SPTBN1: variants seen among roughly 807,000 people sequenced by gnomAD.
SPTBN1 encodes the protein spectrin beta, non-erythrocytic 1, also known as spectrin beta chain, non-erythrocytic 1.
In SPTBN1, 32 loss-of-function variants were observed where a neutral mutation model predicts 266.4. The ratio of observed to expected loss-of-function variants is 0.12; its 90% CI spans 0.09 to 0.16. The LOEUF (loss-of-function observed/expected upper bound fraction) is 0.16. Ranked by LOEUF, SPTBN1 falls within the 10% of genes least tolerant of loss-of-function variation. The pLI is 1.00. For synonymous variants in SPTBN1, 1,336 were observed against 1,162.2 expected, an observed-to-expected ratio of 1.15 and a Z score of -3.04; for missense variants, 2,296 against 3,067.1, an observed-to-expected ratio of 0.75 and a Z score of 5.94.
At chr2:54,565,627 T>C (rs1558846619) in intron 2 of SPTBN1, among the ~76,000 whole-genome samples, 1 of 152,246 alleles carries the variant, frequency 6.6e-6, no homozygotes, top group African/African-American at 2.4e-5. Context: ...AAATAATCTA[T>C]TGAATTTAAC....
At chr2:54,525,952 G>A (rs556186134) in intron 1 of SPTBN1, among the ~76,000 whole-genome samples, 18 of 152,290 alleles carry the variant, frequency 1.2e-4, no homozygotes, top group Middle Eastern at 3.4e-3. Flanking sequence ...GGCTGGCCTC[G>A]AACTCCTGAC....
chr2:54,551,007 AT>A (rs1672537641), intron 2 of SPTBN1, among the ~76,000 whole-genome samples: 1 of 151,692 alleles, frequency 6.6e-6, no homozygotes, highest in Non-Finnish European at 1.5e-5. Context: ...CCCTTTTCAC[AT>A]TTTCTTTTCA....
At chr2:54,660,213 T>C in intron 32 of SPTBN1, 1 of 1,427,122 alleles carries the variant, frequency 7.0e-7, no homozygotes. Flanking sequence ...TCATATTTGT[T>C]TGCATTTAAT....
intron 4 of SPTBN1, among the ~76,000 whole-genome samples, chr2:54,614,677 C>T (rs973559131): frequency 6.6e-6 from 1 of 151,986 alleles, no homozygotes; most frequent in Non-Finnish European, 1.5e-5. Flanking sequence ...GTGGCAGACA[C>T]CTATGATCCC....
intron 1 of SPTBN1, among the ~76,000 whole-genome samples, chr2:54,472,542 C>G (rs1693982022): frequency 6.6e-6 from 1 of 152,248 alleles, no homozygotes; most frequent in East Asian, 1.9e-4. Flanking sequence ...AATTAATTCA[C>G]TGTCTAACTG....
intron 2 of SPTBN1, among the ~76,000 whole-genome samples, chr2:54,569,772 A>G (rs1673927007): frequency 6.6e-6 from 1 of 152,246 alleles, no homozygotes; most frequent in South Asian, 2.1e-4. Context: ...TGTTTGGCAC[A>G]GTCCCTGGTA....
intron 2 of SPTBN1, among the ~76,000 whole-genome samples, chr2:54,597,366 G>A (rs903803349): frequency 6.6e-6 from 1 of 152,150 alleles, no homozygotes; most frequent in Non-Finnish European, 1.5e-5. Context: ...CTTTTCTGTG[G>A]GACCTGTCAT....
At chr2:54,541,611 C>T (rs955938171) in intron 2 of SPTBN1, among the ~76,000 whole-genome samples, 14 of 152,200 alleles carry the variant, frequency 9.2e-5, no homozygotes, top group African/African-American at 2.2e-4. Context: ...AATTGACATA[C>T]GCAACACAAT....
At chr2:54,635,412 C>G (rs112379616) in intron 17 of SPTBN1, among the ~76,000 whole-genome samples, 13 of 152,332 alleles carry the variant, frequency 8.5e-5, no homozygotes, top group African/African-American at 3.1e-4. Context: ...GTCACACCTG[C>G]GCATAGATCG....
intron 2 of SPTBN1, among the ~76,000 whole-genome samples, chr2:54,534,259 C>T (rs564881575): frequency 1.3e-5 from 2 of 152,284 alleles, no homozygotes; most frequent in Admixed American, 6.5e-5. Flanking sequence ...AAGAGAACAG[C>T]TTCTTGCATG....
chr2:54,493,773 T>A (rs560182109), intron 1 of SPTBN1, among the ~76,000 whole-genome samples: 8 of 152,226 alleles, frequency 5.3e-5, no homozygotes, highest in African/African-American at 1.7e-4. Flanking sequence ...AACATAGATA[T>A]TTGCAGGTGA....
At position 54,630,842 on chromosome 2, in the gene SPTBN1, C is replaced by T; in HGVS notation, c.2808-13C>T. ...CCCTTTTTCACACTCGCTGTCTGCC[C>T]CTGCACTCACAGGTGGAGCCAGTTC... On this transcript the variant is annotated splice_polypyrimidine_tract_variant and intron_variant, in intron 15 of 35. Coordinates refer to ENST00000356805, the MANE Select transcript of SPTBN1 (RefSeq NM_003128.3). 1 of 1,559,718 alleles carries T rather than the reference C, an allele frequency of 6.4e-7. No individual in the cohort carries two copies. The highest frequency in any genetic ancestry group is 8.7e-7 in the Non-Finnish European group (1 of 1,150,956).
intron 2 of SPTBN1, chr2:54,529,784 C>T (rs747239032): frequency 1.7e-5 from 9 of 536,812 alleles, no homozygotes; most frequent in African/African-American, 1.5e-4. Flanking sequence ...TTGGATGTTG[C>T]CAACAAAATT....
Position 54,659,177 on chromosome 2 carries a change from A to G in SPTBN1, c.6267A>G (p.Arg2089=). The change falls in exon 31 of 36, where the codon AGA becomes AGG. Residue 2089 remains arginine (R), a synonymous_variant. Transcript: ENST00000356805. Reference sequence around the variant, plus strand: ...AGTTGGAGTTACTGGAAGTGCGCAGACAGCAAGAGGAAGAGGAGAGGAAGA... The same window carrying G: ...AGTTGGAGTTACTGGAAGTGCGCAGGCAGCAAGAGGAAGAGGAGAGGAAGA... The part of the protein sequence containing the change: ...LTTLELLEVR[R]QQEEEERKRR... 1.2e-6 allele frequency: 2 copies of G among 1,614,100 alleles called. No individual in the cohort carries two copies. The highest frequency in any genetic ancestry group is 1.7e-6 in the Non-Finnish European group (2 of 1,179,994).
Position 54,666,146 on chromosome 2 carries a change from G to A in SPTBN1, c.6833+58G>A. 5 of 1,533,682 alleles carry A rather than the reference G, an allele frequency of 3.3e-6. No homozygotes were observed. The South Asian group carries it at 6.3e-5, about 19-fold the overall frequency. ...TGGGTTTGCATTTACTTCCACTCTGGGGTTTGGTTTTCTTATACAGCTGCT... is the reference window on the plus strand; with the variant it reads ...TGGGTTTGCATTTACTTCCACTCTGAGGTTTGGTTTTCTTATACAGCTGCT... On this transcript the variant is annotated intron_variant, in intron 34 of 35. Transcript: ENST00000356805.
chr2:54,527,137 C>T (rs1670863884), intron 2 of SPTBN1: 1 of 151,078 alleles, frequency 6.6e-6, no homozygotes, highest in African/African-American at 2.4e-5. Context: ...ACACTTTCTC[C>T]ATGGCCCCAG....
At chr2:54,620,976 CATG>C (rs1677956273) in intron 7 of SPTBN1, among the ~76,000 whole-genome samples, 1 of 152,112 alleles carries the variant, frequency 6.6e-6, no homozygotes, top group Admixed American at 6.6e-5. Flanking sequence ...GGGTCTGAAA[CATG>C]AGTGACAATA....
intron 19 of SPTBN1, 151 bp from the exon 20 acceptor site, chr2:54,644,172 A>G (rs1295774741): frequency 3.1e-6 from 3 of 982,176 alleles, no homozygotes; most frequent in East Asian, 2.6e-5. Context: ...GTCGTTGTTG[A>G]TTTTATTGAG....
chr2:54,629,605 T>C lies in SPTBN1; in HGVS notation c.2471T>C (p.Leu824Pro), dbSNP rs1678595186. The change falls in exon 14 of 36, where the codon CTG becomes CCG. Residue 824 changes from leucine (L) to proline (P), a missense_variant. Physicochemically the swap from Leu to Pro is moderately conservative, Grantham distance 98. Around this residue, in one of 12 missense-constraint regions of SPTBN1, gnomAD observed 434 missense variants for 573.9 expected, o/e 0.76. Transcript: ENST00000356805. ...GAGTCTCCAGACGTGAGGGGCAGGC[T>C]GTCGGGCATCGAGGAGCGGTATAAG... ...HAESPDVRGR[L>P]SGIEERYKEV... 2 of 1,613,992 alleles carry C rather than the reference T, an allele frequency of 1.2e-6. No homozygotes were observed. The highest frequency in any genetic ancestry group is 2.2e-5 in the East Asian group (1 of 44,886).
Sources: gnomAD v4.1 joint callset for allele counts (sites outside exome capture counted in the v4.1 genomes callset) on GRCh38, gnomAD v4.1.1 for gene constraint, gnomAD v4.1.1 regional missense constraint, MANE v1.5 for transcripts, NCBI Gene and HGNC (gene_info 2026-07-23, HGNC 2026-07-21) for gene names.